PLEKHG1: variants seen among roughly 807,000 people sequenced by gnomAD.
The protein encoded by PLEKHG1 is pleckstrin homology and RhoGEF domain containing G1.
In PLEKHG1, 44 loss-of-function variants were observed where a neutral mutation model predicts 100.8. The ratio of observed to expected loss-of-function variants is 0.44; its 90% CI spans 0.34 to 0.56. The LOEUF (loss-of-function observed/expected upper bound fraction) is 0.56, where lower values mean the gene tolerates loss of function less well. Among genes scored for constraint, PLEKHG1 ranks in the 20% least tolerant of loss-of-function variants. The pLI, the probability that PLEKHG1 is intolerant of heterozygous loss-of-function variation, is 0.01. For missense variants in PLEKHG1, 1,545 were observed against 1,720.9 expected, an observed-to-expected ratio of 0.90 and a Z score of 1.81; for synonymous variants, 640 against 662.5, an observed-to-expected ratio of 0.97 and a Z score of 0.52.
chr6:150,658,535 G>A (rs1187719877), intron 3 of PLEKHG1, among the ~76,000 whole-genome samples: 1 of 152,166 alleles, frequency 6.6e-6, no homozygotes, highest in Non-Finnish European at 1.5e-5. Context: ...TTAGTCAAAT[G>A]CTTGCCAAAT....
intron 2 of PLEKHG1, among the ~76,000 whole-genome samples, chr6:150,743,190 T>G (rs189668614): frequency 2.2e-3 from 336 of 152,302 alleles, no homozygotes; most frequent in Non-Finnish European, 3.2e-3. Context: ...ACCTATCATT[T>G]AGTGATGGTG....
chr6:150,715,034 A>G (rs12717191), intron 3 of PLEKHG1, among the ~76,000 whole-genome samples: 64,617 of 151,570 alleles, frequency 0.43, 14,180 homozygotes, highest in Middle Eastern at 0.53. Flanking sequence ...CCTGGCCCCA[A>G]ATGATCCACC....
chr6:150,814,812 C>T (rs1454285454), intron 10 of PLEKHG1, among the ~76,000 whole-genome samples: 1 of 152,238 alleles, frequency 6.6e-6, no homozygotes, highest in Non-Finnish European at 1.5e-5. Context: ...CCTCCACCTT[C>T]TGGGTTCAAG....
chr6:150,636,585 C>T (rs1250225717), intron 1 of PLEKHG1, among the ~76,000 whole-genome samples: 4 of 152,032 alleles, frequency 2.6e-5, no homozygotes, highest in African/African-American at 4.8e-5. Context: ...GAGAGCAGAC[C>T]TTCCTTTCCT....
chr6:150,835,359 G>A (rs901828642), intron 15 of PLEKHG1, among the ~76,000 whole-genome samples: 1 of 152,100 alleles, frequency 6.6e-6, no homozygotes, highest in African/African-American at 2.4e-5. Flanking sequence ...GTAGAGTAGG[G>A]AAGGCACAAT....
chr6:150,813,586 T>A (rs1489828477), intron 10 of PLEKHG1, among the ~76,000 whole-genome samples: 1 of 151,548 alleles, frequency 6.6e-6, no homozygotes, highest in Admixed American at 6.6e-5. Flanking sequence ...TTAGGCTGAG[T>A]GAAGAGGAAA....
At chr6:150,798,548 A>G (rs1255038154) in intron 5 of PLEKHG1, among the ~76,000 whole-genome samples, 1 of 152,206 alleles carries the variant, frequency 6.6e-6, no homozygotes, top group African/African-American at 2.4e-5. Flanking sequence ...CACCGTCCCA[A>G]GCCTGGTGTA....
chr6:150,763,024 C>CTTCTTTTTTTTTTTTTTTTT lies in PLEKHG1; in HGVS notation c.412-5612_412-5611insCTTTTTTTTTTTTTTTTTTT, dbSNP rs1784252828. 2.6e-5 allele frequency among the ~76,000 whole-genome samples: 2 copies of CTTCTTTTTTTTTTTTTTTTT among 76,530 alleles called. 1 individual carries two copies. Among genetic ancestry groups the CTTCTTTTTTTTTTTTTTTTT allele is most frequent in the East Asian group, 9.8e-4 (2 of 2,042 alleles). The allele number at this position is 76,530 out of a possible 152,430, so 50.2% of individuals were successfully genotyped here. A position where few individuals can be genotyped will look rare whatever the true frequency, so the allele number is the denominator to read the frequency against. On this transcript the variant is annotated intron_variant, in intron 2 of 15. Transcript: ENST00000358517. ...AGCACCAACAGGAGGGATAAAGCTT[C>CTTCTTTTTTTTTTTTTTTTT]TTTTTTTTTTTTTTTTTTTTGAGAC...
At chr6:150,734,173 AG>A in intron 2 of PLEKHG1, 81 bp downstream of exon 3, 1 of 1,380,366 alleles carries the variant, frequency 7.2e-7, no homozygotes, top group South Asian at 1.4e-5. Flanking sequence ...AGCCAGGTGT[AG>A]GGGATGTCTT....
At chr6:150,824,228 A>G (rs776610526) in intron 14 of PLEKHG1, among the ~76,000 whole-genome samples, 2 of 152,258 alleles carry the variant, frequency 1.3e-5, no homozygotes, top group African/African-American at 4.8e-5. Flanking sequence ...TAAGAATGGT[A>G]TACTGTATTG....
chr6:150,671,495 T>C (rs1364033308), intron 3 of PLEKHG1, among the ~76,000 whole-genome samples: 2 of 152,156 alleles, frequency 1.3e-5, no homozygotes, highest in African/African-American at 4.8e-5. Context: ...TGTTGAGGAA[T>C]TGGTCAAGTC....
intron 3 of PLEKHG1, among the ~76,000 whole-genome samples, chr6:150,712,854 T>A (rs1335287474): frequency 6.6e-6 from 1 of 152,272 alleles, no homozygotes; most frequent in East Asian, 1.9e-4. Flanking sequence ...AGCTTGATTT[T>A]ACTGTCAACA....
chr6:150,822,150 CAAAAAAAAAAA>C lies in PLEKHG1; in HGVS notation c.1447+935_1447+945del, dbSNP rs58672381. Among the ~76,000 whole-genome samples the C allele has an allele frequency of 3.0e-4, 11 of 36,700 alleles. No individual in the cohort carries two copies. The East Asian group carries it at 4.6e-3, about 15-fold the overall frequency. 24.1% of individuals were successfully genotyped at this position (36,700 alleles called of 152,430 possible). ...GCCACCACGCCCAGCCCAAAGGACT[CAAAAAAAAAAA>C]AAAAAAAAAAAAAAAAAGAATAGGG... On this transcript the variant is annotated intron_variant, in intron 13 of 15. Coordinates refer to ENST00000358517, the Ensembl canonical transcript of PLEKHG1.
chr6:150,672,713 A>G (rs998746388), intron 3 of PLEKHG1, among the ~76,000 whole-genome samples: 93 of 152,248 alleles, frequency 6.1e-4, no homozygotes, highest in African/African-American at 2.1e-3. Flanking sequence ...CGACAGGAAG[A>G]TGAGAGTCCT....
intron 1 of PLEKHG1, among the ~76,000 whole-genome samples, chr6:150,723,413 T>C (rs2128611029): frequency 6.6e-6 from 1 of 152,312 alleles, no homozygotes; most frequent in South Asian, 2.1e-4. Flanking sequence ...TGGCATATGG[T>C]ACCATGTGCT....
At chr6:150,838,738 C>T (rs528238859) in intron 15 of PLEKHG1, among the ~76,000 whole-genome samples, 12 of 152,236 alleles carry the variant, frequency 7.9e-5, no homozygotes, top group Non-Finnish European at 1.3e-4. Context: ...TAATTTTAAG[C>T]GGCAAAAGCT....
Position 150,819,789 on chromosome 6 carries a change from G to A in PLEKHG1, c.1408+15G>A, listed in dbSNP as rs751563353. On this transcript the variant is annotated intron_variant, in intron 12 of 15. Transcript: ENST00000358517. Reference sequence around the variant, plus strand: ...AAGAAAATCTGGTAAGTAAGATGTTGTCATAAAAATTTAATTCTAATGGGG... The same window carrying A: ...AAGAAAATCTGGTAAGTAAGATGTTATCATAAAAATTTAATTCTAATGGGG... 6.8e-7 allele frequency: 1 copy of A among 1,464,700 alleles called. No individual in the cohort carries two copies. The highest frequency in any genetic ancestry group is 9.6e-7 in the Non-Finnish European group (1 of 1,043,842). 90.7% of individuals were successfully genotyped at this position (1,464,700 alleles called of 1,614,324 possible). A position where few individuals can be genotyped will look rare whatever the true frequency, so the allele number is the denominator to read the frequency against.
chr6:150,827,158 G>T (rs1776655969), intron 14 of PLEKHG1, among the ~76,000 whole-genome samples: 2 of 151,864 alleles, frequency 1.3e-5, no homozygotes, highest in Non-Finnish European at 2.9e-5. Flanking sequence ...GCCTCCCAAA[G>T]TGCTGGGATT....
At chr6:150,700,458 T>A (rs1414907371) in intron 3 of PLEKHG1, among the ~76,000 whole-genome samples, 1 of 152,204 alleles carries the variant, frequency 6.6e-6, no homozygotes, top group African/African-American at 2.4e-5. Flanking sequence ...ACTCCCATGC[T>A]AGCCAAGGTG....
Sources: allele counts gnomAD v4.1 joint callset (sites outside exome capture counted in the v4.1 genomes callset), GRCh38; gene constraint gnomAD v4.1.1; transcripts MANE v1.5; gene names NCBI Gene and HGNC (gene_info 2026-07-23, HGNC 2026-07-21).